CDC23: variants seen among roughly 807,000 people sequenced by gnomAD.
The protein encoded by CDC23 is cell division cycle protein 23 homolog.
CDC23 carries 26 observed loss-of-function variants against 81.7 expected under a neutral mutation model. The observed-to-expected ratio is 0.32, with a 90% CI of 0.23 to 0.44. CDC23 has a LOEUF of 0.44. Ranked by LOEUF, CDC23 falls within the 20% of genes least tolerant of loss-of-function variation. The pLI, the probability that CDC23 is intolerant of heterozygous loss-of-function variation, is 1.00. For missense variants in CDC23, 519 were observed against 728.0 expected, an observed-to-expected ratio of 0.71 and a Z score of 3.30; for synonymous variants, 267 against 270.8, an observed-to-expected ratio of 0.99 and a Z score of 0.14.
intron 2 of CDC23, 60 bp from the exon 3 acceptor site, chr5:138,206,744 A>T (rs1755054119): frequency 6.7e-7 from 1 of 1,492,704 alleles, no homozygotes; most frequent in Non-Finnish European, 9.1e-7. Flanking sequence ...CTTCAAATCT[A>T]AAAAGTATAT....
chr5:138,213,273 C>A lies in CDC23; in HGVS notation c.40G>T (p.Ala14Ser). The change falls in exon 1 of 16, where the codon GCG becomes TCG. Residue 14 changes from alanine (A) to serine (S), a missense_variant. Ala to Ser is a moderately conservative substitution (Grantham distance 99). This residue lies in a region of CDC23 where 126 missense variants were observed against 116.2 expected (regional missense o/e 1.08). Coordinates refer to ENST00000394886, the MANE Select transcript of CDC23 (RefSeq NM_004661.4). The part of the protein sequence containing the change: ...STSMVPVAVT[A>S]AVAPVLSINS... Reference sequence around the variant, plus strand: ...ATGGACAGGACAGGCGCCACTGCCGCCGTCACAGCCACCGGGACCATGGAG... The same window carrying A: ...ATGGACAGGACAGGCGCCACTGCCGACGTCACAGCCACCGGGACCATGGAG... 6.2e-7 allele frequency: 1 copy of A among 1,614,076 alleles called. No individual in the cohort carries two copies. The highest frequency in any genetic ancestry group is 1.6e-4 in the Middle Eastern group (1 of 6,062).
At position 138,206,592 on chromosome 5, in the gene CDC23, G is replaced by A. The variant is rs900655789; in HGVS notation, c.327C>T (p.Cys109=). 6 of 1,613,926 alleles carry A rather than the reference G, an allele frequency of 3.7e-6. No homozygotes were observed. In the African/African-American group the frequency reaches 8.0e-5, roughly 22 times the overall value. Residue 109 remains cysteine (C), a synonymous_variant, in exon 3 of 16, where the codon TGC becomes TGT. Transcript: ENST00000394886. ...YDRAAHFLHG[C]NSKKAYFLYM... ...ACAGAAAATAGGCTTTCTTGCTATT[G>A]CAGCCATGCAGGAAATGTGCTGCCC...
intron 3 of CDC23, among the ~76,000 whole-genome samples, chr5:138,204,156 T>C (rs1357152738): frequency 6.6e-6 from 1 of 151,252 alleles, no homozygotes; most frequent in Non-Finnish European, 1.5e-5. Context: ...AGAGATAAAG[T>C]AGAGAGAAAT....
intron 15 of CDC23, 114 bp from the exon 16 acceptor site, chr5:138,189,262 GTTTT>G: frequency 2.7e-6 from 2 of 740,294 alleles, no homozygotes; most frequent in Non-Finnish European, 4.1e-6. Flanking sequence ...AGGCTTGCTT[GTTTT>G]TTTTTTTTGA....
Position 138,201,444 on chromosome 5 carries a change from G to A in CDC23, c.420C>T (p.Pro140=). 3 of 1,611,816 alleles carry A rather than the reference G, an allele frequency of 1.9e-6. No individual in the cohort carries two copies. The highest frequency in any genetic ancestry group is 1.7e-5 in the Admixed American group (1 of 59,918). The change falls in exon 5 of 16, where the codon CCC becomes CCT. Residue 140 remains proline, a synonymous_variant. Coordinates refer to ENST00000394886, the MANE Select transcript of CDC23 (RefSeq NM_004661.4). ...KDDETVDSLG[P]LEKGQVKNEA... is the part of the protein sequence containing the mutation. ...CATTTTTCACTTGTCCTTTTTCCAG[G>A]GGGCCTAGGAAAGAAACAGAGTCTC...
At chr5:138,197,727 C>G (rs1003323218) in intron 9 of CDC23, among the ~76,000 whole-genome samples, 1 of 151,690 alleles carries the variant, frequency 6.6e-6, no homozygotes, top group Non-Finnish European at 1.5e-5. Context: ...GAATACCTCA[C>G]CTCATGATCT....
Position 138,199,860 on chromosome 5 carries a change from A to G in CDC23, c.655-1078T>C, listed in dbSNP as rs193021428. Reference sequence around the variant, plus strand: ...CATAGGTGAATAAAAGTAAACCAAGATAAGATTTCAGATACAGATTTAGTG... The same window carrying G: ...CATAGGTGAATAAAAGTAAACCAAGGTAAGATTTCAGATACAGATTTAGTG... On this transcript the variant is annotated intron_variant, in intron 6 of 15. Transcript: ENST00000394886. 7.2e-5 allele frequency among the ~76,000 whole-genome samples: 11 copies of G among 152,374 alleles called. No homozygotes were observed. In the East Asian group the frequency reaches 7.7e-4, roughly 11 times the overall value.
chr5:138,194,268 A>C (rs2126580637), intron 9 of CDC23, among the ~76,000 whole-genome samples: 1 of 152,268 alleles, frequency 6.6e-6, no homozygotes, highest in African/African-American at 2.4e-5. Flanking sequence ...TGGGCAACAT[A>C]GTGAGACCCT....
chr5:138,192,012 C>T (rs1754832458), intron 11 of CDC23, 75 bp from the exon 12 acceptor site: 1 of 1,256,722 alleles, frequency 8.0e-7, no homozygotes, highest in East Asian at 2.3e-5. Context: ...ACCAGTACAC[C>T]ACTATTTCAA....
intron 13 of CDC23, among the ~76,000 whole-genome samples, chr5:138,190,285 T>C: frequency 6.8e-6 from 1 of 147,524 alleles, no homozygotes; most frequent in East Asian, 2.0e-4. Flanking sequence ...AGGTGAAACC[T>C]CATCTCTACT....
At chr5:138,212,903 T>C in intron 2 of CDC23, 88 bp downstream of exon 2, 6 of 1,025,274 alleles carry the variant, frequency 5.9e-6, no homozygotes, top group East Asian at 2.4e-5. Context: ...GCTAAGCAGT[T>C]TGCTCTCCTC....
chr5:138,198,758 T>G lies in CDC23; in HGVS notation c.679A>C (p.Thr227Pro). ...GCCAGAAAAAACTCTTTCATCCAGG[T>G]GTCTGGCAAAGACAGGAACTTCAGC... ...EMLKFLSLPD[T>P]WMKEFFLAHI... The change falls in exon 7 of 16, where the codon ACC becomes CCC. Residue 227 changes from threonine (T) to proline (P), a missense_variant. Transcript: ENST00000394886. 6.2e-7 allele frequency: 1 copy of G among 1,614,036 alleles called. No individual in the cohort carries two copies. The highest frequency in any genetic ancestry group is 8.5e-7 in the Non-Finnish European group (1 of 1,179,992).
rs767121714 is a variant in CDC23, at chr5:138,202,096, A to G, written c.415+17T>C. On this transcript the variant is annotated intron_variant, in intron 4 of 15. Transcript: ENST00000394886. Reference sequence around the variant, plus strand: ...CCCTGCTTTTTAGGTCAAAAGGTAAAAGAAAAAAATTCGTACCTAAGCTAT... The same window carrying G: ...CCCTGCTTTTTAGGTCAAAAGGTAAGAGAAAAAAATTCGTACCTAAGCTAT... 22 of 1,603,740 alleles carry G rather than the reference A, an allele frequency of 1.4e-5. No homozygotes were observed. Among genetic ancestry groups the G allele is most frequent in the Non-Finnish European group, 1.9e-5 (22 of 1,173,674 alleles).
At chr5:138,192,074 T>C in intron 11 of CDC23, 137 bp from the exon 12 acceptor site, 1 of 917,960 alleles carries the variant, frequency 1.1e-6, no homozygotes, top group Non-Finnish European at 1.7e-6. Context: ...TAGATTACTT[T>C]GTGTTCATAA....
chr5:138,197,643 C>A (rs1754932058), intron 9 of CDC23, among the ~76,000 whole-genome samples: 1 of 151,016 alleles, frequency 6.6e-6, no homozygotes, highest in African/African-American at 2.5e-5. Context: ...ACTACAGGCA[C>A]ATGCCACCAC....
chr5:138,190,580 A>T (rs1341811145), intron 13 of CDC23, among the ~76,000 whole-genome samples: 1 of 152,174 alleles, frequency 6.6e-6, no homozygotes, highest in Non-Finnish European at 1.5e-5. Flanking sequence ...CCTGGCCAAC[A>T]TGGCAAAACT....
chr5:138,192,068 T>C, intron 11 of CDC23, 131 bp from the exon 12 acceptor site: 1 of 911,202 alleles, frequency 1.1e-6, no homozygotes, highest in African/African-American at 1.7e-5. Context: ...ATATAATAGA[T>C]TACTTTGTGT....
intron 2 of CDC23, among the ~76,000 whole-genome samples, chr5:138,212,689 T>C (rs1755127328): frequency 6.6e-6 from 1 of 152,164 alleles, no homozygotes; most frequent in African/African-American, 2.4e-5. Context: ...TATAATAATA[T>C]TTACTATTAT....
chr5:138,197,506 T>G (rs1480797422), intron 9 of CDC23, among the ~76,000 whole-genome samples: 1 of 149,694 alleles, frequency 6.7e-6, no homozygotes, highest in Non-Finnish European at 1.5e-5. Flanking sequence ...TTTTTTTTTT[T>G]TTTTTTTTGA....
Sources: allele counts gnomAD v4.1 joint callset (sites outside exome capture counted in the v4.1 genomes callset), GRCh38; gene constraint gnomAD v4.1.1; regional missense constraint gnomAD v4.1.1; transcripts MANE v1.5; gene names NCBI Gene and HGNC (gene_info 2026-07-23, HGNC 2026-07-21).